Variants in FAT4 observed in about 807,000 individuals in gnomAD.
FAT4 encodes the protein FAT atypical cadherin 4, also known as protocadherin Fat 4.
FAT4 carries 84 observed loss-of-function variants against 303.9 expected under a neutral mutation model. That is an observed-to-expected ratio of 0.28 (90% CI 0.23 to 0.33). FAT4 has a LOEUF of 0.33. Among genes scored for constraint, FAT4 ranks in the 10% least tolerant of loss-of-function variants. FAT4 has a pLI of 1.00. For missense variants in FAT4, 6,005 were observed against 6,146.8 expected (o/e 0.98, Z 0.77); for synonymous variants, 2,307 against 2,298.8 (o/e 1.00, Z -0.10).
In FAT4 at chr4:125,407,119, C is replaced by T. The variant is rs1217534134; in HGVS notation, c.5547C>T (p.Asp1849=). Reference sequence around the variant, plus strand: ...TTTCCAGACCCGTGTACTCTTTTGACATTCCTGAGGACACAATCCCTGGTA... The same window carrying T: ...TTTCCAGACCCGTGTACTCTTTTGATATTCCTGAGGACACAATCCCTGGTA... ...PKFSRPVYSF[D]IPEDTIPGSL... The change falls in exon 4 of 18, where the codon GAC becomes GAT. Residue 1849 remains aspartate, a synonymous_variant. Coordinates refer to ENST00000394329, the MANE Select transcript of FAT4 (RefSeq NM_001291303.3). 6.2e-7 allele frequency: 1 copy of T among 1,613,156 alleles called. No individual in the cohort carries two copies. Among genetic ancestry groups the T allele is most frequent in the Non-Finnish European group, 8.5e-7 (1 of 1,179,390 alleles).
rs779153076 is a variant in FAT4, at chr4:125,491,000, G to A, written c.14184G>A (p.Arg4728=). The change falls in exon 18 of 18, where the codon AGG becomes AGA. Residue 4728 remains arginine, a synonymous_variant. Coordinates refer to ENST00000394329, the MANE Select transcript of FAT4 (RefSeq NM_001291303.3). ...CAAGGGAATTGCATCTTCCTATAAG[G>A]GATGGTAATACTTTGGAAATGCATG... is the stretch of plus-strand genomic sequence containing the variant. The part of the protein sequence containing the change: ...SPARELHLPI[R]DGNTLEMHGD... 5 of 1,614,166 alleles carry A rather than the reference G, an allele frequency of 3.1e-6. No individual in the cohort carries two copies. In the South Asian group the frequency reaches 4.4e-5, roughly 14 times the overall value.
At chr4:125,387,500 T>C (rs552264757) in intron 2 of FAT4, among the ~76,000 whole-genome samples, 41 of 152,292 alleles carry the variant, frequency 2.7e-4, no homozygotes, top group Non-Finnish European at 4.6e-4. Context: ...GTTTAAATTT[T>C]CTATTCTTAA....
chr4:125,490,058 T>C lies in FAT4; in HGVS notation c.13242T>C (p.Asp4414=), dbSNP rs1018661507. The change falls in exon 18 of 18, where the codon GAT becomes GAC. Residue 4414 remains aspartate, a synonymous_variant. Transcript: ENST00000394329. ...GTGCCAGCAACCCCTGCTGGGGTGA[T>C]TTGCTGTGCATTAATCAGTGGTATG... ...NICASNPCWG[D]LLCINQWYAY... is the part of the protein sequence containing the mutation. 2.5e-6 allele frequency: 4 copies of C among 1,614,024 alleles called. No homozygotes were observed. The highest frequency in any genetic ancestry group is 3.3e-5 in the Admixed American group (2 of 60,020).
Position 125,416,500 on chromosome 4 carries a change from T to C in FAT4, c.6896T>C (p.Leu2299Pro). 1.2e-6 allele frequency: 2 copies of C among 1,614,014 alleles called. No individual in the cohort carries two copies. Among genetic ancestry groups the C allele is most frequent in the Non-Finnish European group, 1.7e-6 (2 of 1,179,904 alleles). The change falls in exon 7 of 18, where the codon CTG becomes CCG. Residue 2299 changes from leucine to proline, a missense_variant. Leu to Pro is a moderately conservative substitution (Grantham distance 98). Coordinates refer to ENST00000394329, the MANE Select transcript of FAT4 (RefSeq NM_001291303.3). Reference sequence around the variant, plus strand: ...TCTAACAGCAAACTCTCATATGTTCTGTTTGGTGGTAATGAAGACAATGCT... The same window carrying C: ...TCTAACAGCAAACTCTCATATGTTCCGTTTGGTGGTAATGAAGACAATGCT... The part of the protein sequence containing the change: ...RGSNSKLSYV[L>P]FGGNEDNAFT...
intron 8 of FAT4, among the ~76,000 whole-genome samples, chr4:125,442,941 C>T (rs1485884336): frequency 4.9e-5 from 1 of 20,320 alleles, no homozygotes; most frequent in African/African-American, 1.6e-4. Context: ...ATAGTCAAAA[C>T]TACCAAATAA....
chr4:125,344,526 G>C (rs1731924541), intron 2 of FAT4, among the ~76,000 whole-genome samples: 1 of 152,080 alleles, frequency 6.6e-6, no homozygotes, highest in Non-Finnish European at 1.5e-5. Flanking sequence ...GTGCTGAAAA[G>C]AAGTTTGATC....
Position 125,487,374 on chromosome 4 carries a change from C to T in FAT4, c.12852C>T (p.Ser4284=), listed in dbSNP as rs17009819. Residue 4284 remains serine, a synonymous_variant, in exon 17 of 18, where the codon TCC becomes TCT. Transcript: ENST00000394329. ...KIKNGKVYFT[S]DAGIAGKVER... is the part of the protein sequence containing the mutation. ...AGAATGGCAAAGTATATTTTACATCCGATGCAGGAATTGCTGGGAAAGTGG... is the reference window on the plus strand; with the variant it reads ...AGAATGGCAAAGTATATTTTACATCTGATGCAGGAATTGCTGGGAAAGTGG... The T allele has an allele frequency of 4.2e-3, 6,782 of 1,612,994 alleles. 255 individuals are homozygous for T. In the African/African-American group the frequency reaches 0.081, roughly 19 times the overall value.
chr4:125,410,623 G>A (rs1265962798), intron 5 of FAT4, among the ~76,000 whole-genome samples: 3 of 152,074 alleles, frequency 2.0e-5, no homozygotes, highest in Non-Finnish European at 2.9e-5. Context: ...ATGTATTAGA[G>A]AGAGCCCATT....
rs1727697426 is a variant in FAT4, at chr4:125,492,812, A to C, written c.*1044A>C. On this transcript the variant is annotated 3_prime_UTR_variant, in exon 18 of 18. Transcript: ENST00000394329. ...TTACTTTCAGGGAAGGTAAGAAAAT[A>C]CTTTTTTTATATTTGTTACTTATGT... 1 of 152,466 alleles carries C rather than the reference A, an allele frequency of 6.6e-6. No homozygotes were observed. The highest frequency in any genetic ancestry group is 6.5e-5 in the Admixed American group (1 of 15,272). The allele number at this position is 152,466 out of a possible 1,614,324, so 9.4% of individuals were successfully genotyped here.
In FAT4 at chr4:125,450,409, A is replaced by T. The variant is rs1726013603; in HGVS notation, c.9399A>T (p.Gly3133=). Residue 3133 remains glycine, a synonymous_variant, in exon 10 of 18, where the codon GGA becomes GGT. Transcript: ENST00000394329. ...TGATTAAGTACAGCATTTCTTCAGG[A>T]AATGAAGAAGGCATTTTTGCAATCA... ...NGLIKYSISS[G]NEEGIFAINS... The T allele has an allele frequency of 1.1e-5, 17 of 1,614,100 alleles. No homozygotes were observed. Among genetic ancestry groups the T allele is most frequent in the Non-Finnish European group, 1.4e-5 (17 of 1,180,000 alleles).
Position 125,407,603 on chromosome 4 carries a change from CTGTT to C in FAT4, c.5569+463_5569+466del, listed in dbSNP as rs1305555284. 2.6e-5 allele frequency among the ~76,000 whole-genome samples: 4 copies of C among 152,176 alleles called. No homozygotes were observed. The East Asian group carries it at 7.7e-4, about 29-fold the overall frequency. ...ATCCTGTAAATGGAAACAGTAATTCCTGTTAGAGTTAAGGTAAAGGATAATTTAG... is the reference window on the plus strand; with the variant it reads ...ATCCTGTAAATGGAAACAGTAATTCCAGAGTTAAGGTAAAGGATAATTTAG... On this transcript the variant is annotated intron_variant, in intron 4 of 17. Transcript: ENST00000394329.
chr4:125,490,971 C>T lies in FAT4; in HGVS notation c.14155C>T (p.Pro4719Ser). The change falls in exon 18 of 18, where the codon CCA (proline) becomes TCA (serine). Residue 4719 changes from proline (P) to serine (S), a missense_variant. Coordinates refer to ENST00000394329, the MANE Select transcript of FAT4 (RefSeq NM_001291303.3). ...SKSSTFYRNSPARELHLPIRD... is the reference protein window; with the variant it reads ...SKSSTFYRNSSARELHLPIRD... ...ATCTTCTACGTTCTATAGAAACAGCCCAGCAAGGGAATTGCATCTTCCTAT... is the reference window on the plus strand; with the variant it reads ...ATCTTCTACGTTCTATAGAAACAGCTCAGCAAGGGAATTGCATCTTCCTAT... 1.2e-6 allele frequency: 2 copies of T among 1,614,152 alleles called. No individual in the cohort carries two copies. Among genetic ancestry groups the T allele is most frequent in the South Asian group, 1.1e-5 (1 of 91,082 alleles).
intron 3 of FAT4, among the ~76,000 whole-genome samples, chr4:125,400,420 T>A (rs1578599094): frequency 6.6e-6 from 1 of 152,190 alleles, no homozygotes; most frequent in East Asian, 1.9e-4. Context: ...GTTCTCTTGA[T>A]ACTGTTATAA....
At position 125,314,975 on chromosome 4, in the gene FAT4, A is replaced by G. The variant is rs1730485388; in HGVS notation, c.-1015A>G. Among the ~76,000 whole-genome samples, 1 of 152,062 alleles carries G rather than the reference A, an allele frequency of 6.6e-6. No individual in the cohort carries two copies. Among genetic ancestry groups the G allele is most frequent in the Non-Finnish European group, 1.5e-5 (1 of 68,006 alleles). On this transcript the variant is annotated 5_prime_UTR_variant, in exon 1 of 18. An upstream start codon of the reference 5' UTR is lost. Coordinates refer to ENST00000394329, the MANE Select transcript of FAT4 (RefSeq NM_001291303.3). ...CAGGCGAACTAAAGTGCGGGGATCA[A>G]TGAGTGTCGAGCAAAGTTTCTGAGT...
intron 2 of FAT4, among the ~76,000 whole-genome samples, chr4:125,394,500 T>C (rs867606978): frequency 4.6e-5 from 7 of 152,316 alleles, no homozygotes; most frequent in South Asian, 2.1e-4. Context: ...TGTAGACTTT[T>C]AAGATCTCAG....
intron 3 of FAT4, among the ~76,000 whole-genome samples, chr4:125,406,623 A>G (rs1734620054): frequency 1.3e-5 from 2 of 152,194 alleles, no homozygotes; most frequent in Non-Finnish European, 2.9e-5. Flanking sequence ...CTTCCAATGC[A>G]TGAACTTGGG....
rs181076809 is a variant in FAT4, at chr4:125,439,897, T to G, written c.7199+5472T>G. On this transcript the variant is annotated intron_variant, in intron 8 of 17. Coordinates refer to ENST00000394329, the MANE Select transcript of FAT4 (RefSeq NM_001291303.3). ...TTTAGTGCCTCAAAGGCTTAGTTTC[T>G]GCATCAATAAAAATGAACATAAAAA... Among the ~76,000 whole-genome samples, 312 of 152,314 alleles carry G rather than the reference T, an allele frequency of 2.0e-3. 2 individuals are homozygous for G. Among genetic ancestry groups the G allele is most frequent in the African/African-American group, 6.8e-3 (284 of 41,570 alleles).
rs185420181 is a variant in FAT4 at position 125,348,771 on chromosome 4, T to G, written c.5175+27185T>G. Reference sequence around the variant, plus strand: ...TTAATTGTGATCGAAGCCGACATCTTTTTCCTAAAAGGGTGTGCTGAGTTT... The same window carrying G: ...TTAATTGTGATCGAAGCCGACATCTGTTTCCTAAAAGGGTGTGCTGAGTTT... On this transcript the variant is annotated intron_variant, in intron 2 of 17. Transcript: ENST00000394329. Among the ~76,000 whole-genome samples, 11 of 151,830 alleles carry G rather than the reference T, an allele frequency of 7.2e-5. No individual in the cohort carries two copies. The East Asian group carries it at 2.1e-3, about 29-fold the overall frequency.
intron 3 of FAT4, among the ~76,000 whole-genome samples, chr4:125,406,165 A>G (rs1734598774): frequency 6.6e-6 from 1 of 152,138 alleles, no homozygotes; most frequent in African/African-American, 2.4e-5. Context: ...TCTTTAATCC[A>G]TTTTAAATTG....
Sources: gnomAD v4.1 joint callset for allele counts (sites outside exome capture counted in the v4.1 genomes callset) on GRCh38, gnomAD v4.1.1 for gene constraint, MANE v1.5 for transcripts, NCBI Gene and HGNC (gene_info 2026-07-23, HGNC 2026-07-21) for gene names.